HERC4: variants seen among roughly 807,000 people sequenced by gnomAD.
The protein encoded by HERC4 is probable E3 ubiquitin-protein ligase HERC4.
HERC4 carries 28 observed loss-of-function variants against 124.3 expected under a neutral mutation model. The observed-to-expected ratio is 0.23, with a 90% CI of 0.17 to 0.31. The LOEUF is 0.31. Among genes scored for constraint, HERC4 ranks in the 10% least tolerant of loss-of-function variants. HERC4 has a pLI of 1.00. For synonymous variants in HERC4, 407 were observed against 421.5 expected (o/e 0.97, Z 0.42); for missense variants, 713 against 1,229.3 (o/e 0.58, Z 6.28).
chr10:67,997,835 G>T (rs768577749), intron 9 of HERC4, among the ~76,000 whole-genome samples: 1 of 152,040 alleles, frequency 6.6e-6, no homozygotes, highest in African/African-American at 2.4e-5. Context: ...AAACATAGTC[G>T]GCCCTCTGTA....
intron 7 of HERC4, among the ~76,000 whole-genome samples, chr10:68,028,200 T>C (rs563955029): frequency 6.6e-6 from 1 of 151,328 alleles, no homozygotes; most frequent in Non-Finnish European, 1.5e-5. Flanking sequence ...TAAAATACAA[T>C]TTGCAAATGA....
chr10:68,051,510 A>AG (rs1554828283), intron 3 of HERC4, among the ~76,000 whole-genome samples: 2 of 147,378 alleles, frequency 1.4e-5, no homozygotes, highest in African/African-American at 5.2e-5. Flanking sequence ...ATGCCCAGCT[A>AG]GTTTTTTTTT....
At chr10:67,932,846 C>A in intron 22 of HERC4, 66 bp from the exon 23 acceptor site, 1 of 1,369,264 alleles carries the variant, frequency 7.3e-7, no homozygotes, top group South Asian at 1.4e-5. Context: ...ATAATGTAGT[C>A]ATTAAAACTT....
intron 2 of HERC4, 111 bp from the exon 3 acceptor site, chr10:68,073,297 T>C: frequency 1.8e-6 from 1 of 547,494 alleles, no homozygotes; most frequent in Non-Finnish European, 3.2e-6. Context: ...AAATATACTT[T>C]ATAACATGCT....
chr10:67,984,148 A>C (rs1050202500), intron 15 of HERC4, among the ~76,000 whole-genome samples: 1 of 151,438 alleles, frequency 6.6e-6, no homozygotes, highest in Non-Finnish European at 1.5e-5. Context: ...CTAAAAATAC[A>C]AAAAATTAGC....
chr10:68,071,749 C>G (rs74145837), intron 3 of HERC4, among the ~76,000 whole-genome samples: 4,635 of 152,172 alleles, frequency 0.03, 245 homozygotes, highest in African/African-American at 0.11. Context: ...ACTTTGAGTT[C>G]TGCAAGAATT....
chr10:67,923,178 CA>C lies in HERC4; in HGVS notation c.2942-40del, dbSNP rs576625760. ...AATCATTCAGTCAACCACTTCAAAA[CA>C]AAAAGATACAGTAGCAAGTAATATT... On this transcript the variant is annotated intron_variant, in intron 24 of 24. Coordinates refer to ENST00000373700, the MANE Select transcript of HERC4 (RefSeq NM_015601.4). 148 of 1,470,508 alleles carry C rather than the reference CA, an allele frequency of 1.0e-4. No individual in the cohort carries two copies. The African/African-American group carries it at 1.9e-3, about 19-fold the overall frequency. The allele number at this position is 1,470,508 out of a possible 1,614,324, so 91.1% of individuals were successfully genotyped here.
intron 21 of HERC4, among the ~76,000 whole-genome samples, chr10:67,939,101 G>T (rs117726316): frequency 0.011 from 1,729 of 152,252 alleles, 16 homozygotes; most frequent in Non-Finnish European, 0.018. Context: ...GACAAGATGG[G>T]CAAGGATGAA....
intron 3 of HERC4, among the ~76,000 whole-genome samples, chr10:68,059,002 GT>G (rs1428615042): frequency 6.6e-6 from 1 of 151,758 alleles, no homozygotes; most frequent in East Asian, 1.9e-4. Flanking sequence ...TCCTTCCAGG[GT>G]TTTTTGTGTA....
chr10:68,048,916 G>A (rs1459818664), intron 3 of HERC4, among the ~76,000 whole-genome samples: 1 of 152,096 alleles, frequency 6.6e-6, no homozygotes, highest in East Asian at 1.9e-4. Context: ...TTTGATAACA[G>A]TTCATGGGGA....
At chr10:67,967,982 C>G (rs2034992772) in intron 15 of HERC4, among the ~76,000 whole-genome samples, 1 of 151,806 alleles carries the variant, frequency 6.6e-6, no homozygotes, top group Non-Finnish European at 1.5e-5. Flanking sequence ...TGGCAGAATA[C>G]TTTGTATCAG....
intron 15 of HERC4, among the ~76,000 whole-genome samples, chr10:67,974,116 A>G (rs950684871): frequency 2.1e-5 from 2 of 96,492 alleles, no homozygotes; most frequent in African/African-American, 3.3e-5. Flanking sequence ...ACACACACAC[A>G]CACATACACA....
At chr10:68,010,144 G>T in intron 9 of HERC4, 2 of 886,532 alleles carry the variant, frequency 2.3e-6, no homozygotes, top group Non-Finnish European at 3.5e-6. Context: ...ACAAACTCCG[G>T]GTTCTCTTTC....
intron 15 of HERC4, among the ~76,000 whole-genome samples, chr10:67,967,149 T>C (rs1407850969): frequency 1.3e-5 from 2 of 152,322 alleles, no homozygotes; most frequent in South Asian, 2.1e-4. Context: ...CCACCACGCC[T>C]GGCCAAGACA....
At chr10:67,975,207 A>C (rs1348533827) in intron 15 of HERC4, among the ~76,000 whole-genome samples, 1 of 151,816 alleles carries the variant, frequency 6.6e-6, no homozygotes. Context: ...AAAAAAATTC[A>C]CTCAAATTTT....
At chr10:67,988,997 T>C (rs2132737711) in intron 14 of HERC4, among the ~76,000 whole-genome samples, 162 bp from the exon 15 acceptor site, 1 of 152,146 alleles carries the variant, frequency 6.6e-6, no homozygotes, top group South Asian at 2.1e-4. Flanking sequence ...GTAAGGTTTA[T>C]AAACCTCCCC....
At chr10:67,927,430 ATTTT>A (rs373401588) in intron 23 of HERC4, among the ~76,000 whole-genome samples, 44 of 37,888 alleles carry the variant, frequency 1.2e-3, no homozygotes, top group African/African-American at 1.8e-3. Flanking sequence ...ATATATATAT[ATTTT>A]TTTTTTTTTT....
intron 21 of HERC4, among the ~76,000 whole-genome samples, 160 bp downstream of exon 21, chr10:67,939,428 A>G (rs1438697332): frequency 6.6e-6 from 1 of 152,234 alleles, no homozygotes; most frequent in Non-Finnish European, 1.5e-5. Context: ...AATGAAATGC[A>G]TGTACTATGA....
intron 7 of HERC4, among the ~76,000 whole-genome samples, chr10:68,026,189 G>A (rs1483545377): frequency 1.3e-5 from 2 of 152,094 alleles, no homozygotes; most frequent in African/African-American, 2.4e-5. Context: ...TCAACCTCGT[G>A]GGCTCAGGTG....
Sources: allele counts gnomAD v4.1 joint callset (sites outside exome capture counted in the v4.1 genomes callset), GRCh38; gene constraint gnomAD v4.1.1; transcripts MANE v1.5; gene names NCBI Gene and HGNC (gene_info 2026-07-23, HGNC 2026-07-21).